Variants in CHD3 observed in about 807,000 individuals in gnomAD.
CHD3 encodes the protein ATP-dependent chromatin remodeler CHD3.
In CHD3, 52 loss-of-function variants were observed where a neutral mutation model predicts 248.9. That is an observed-to-expected ratio of 0.21 (90% CI 0.17 to 0.26). The LOEUF (loss-of-function observed/expected upper bound fraction) is 0.26. CHD3 is among the 10% of genes least tolerant of loss of function. CHD3 has a pLI of 1.00. For synonymous variants in CHD3, 985 were observed against 985.2 expected (o/e 1.00, Z 0.00); for missense variants, 1,482 against 2,605.8 (o/e 0.57, Z 9.39).
Position 7,897,279 on chromosome 17 carries a change from G to A in CHD3, c.1904G>A (p.Arg635His), listed in dbSNP as rs770374165. ...AAGCCAGAGTGGATGACCGTCCACC[G>A]CATCATCAACCACAGGTGAATCCTC... ...GIKPEWMTVH[R>H]IINHSVDKKG... The change falls in exon 11 of 40, where the codon CGC (arginine) becomes CAC (histidine). Residue 635 changes from arginine (R) to histidine (H), a missense_variant. Arg to His is a conservative substitution (Grantham distance 29, BLOSUM62 0). Transcript: ENST00000330494. This position sits in a 1 kb window ranked among gnomAD's most constrained non-coding sequence, Gnocchi z 4.8. 9 of 1,613,412 alleles carry A rather than the reference G, an allele frequency of 5.6e-6. No individual in the cohort carries two copies. Among genetic ancestry groups the A allele is most frequent in the East Asian group, 4.5e-5 (2 of 44,878 alleles).
In CHD3 at chr17:7,895,646, C is replaced by T; in HGVS notation, c.1707+104C>T. 1 of 1,066,520 alleles carries T rather than the reference C, an allele frequency of 9.4e-7. No homozygotes were observed. The highest frequency in any genetic ancestry group is 2.1e-5 in the Admixed American group (1 of 46,966). The allele number at this position is 1,066,520 out of a possible 1,614,324, so 66.1% of individuals were successfully genotyped here. ...TGGGTTCCCATACTCTTTGTTTTCT[C>T]TCATTTCAGGCCTGTGGCCTTCATA... On this transcript the variant is annotated intron_variant, in intron 10 of 39. Coordinates refer to ENST00000330494, the MANE Select transcript of CHD3 (RefSeq NM_001005273.3). This position sits in a 1 kb window ranked among gnomAD's most constrained non-coding sequence, Gnocchi z 4.9.
In CHD3 at chr17:7,909,353, G is replaced by A. The variant is rs1191878617; in HGVS notation, c.5590+15G>A. On this transcript the variant is annotated intron_variant, in intron 37 of 39. Transcript: ENST00000330494. This position sits in a 1 kb window ranked among gnomAD's most constrained non-coding sequence, Gnocchi z 8.1. ...CCTGCACAAGGGTAAGGGCCGCGGCGGCCCCGCGCGGGGGAGGGCCCACAA... is the reference window on the plus strand; with the variant it reads ...CCTGCACAAGGGTAAGGGCCGCGGCAGCCCCGCGCGGGGGAGGGCCCACAA... 19 of 1,530,116 alleles carry A rather than the reference G, an allele frequency of 1.2e-5. No individual in the cohort carries two copies. Among genetic ancestry groups the A allele is most frequent in the Non-Finnish European group, 1.6e-5 (18 of 1,136,942 alleles). The allele number at this position is 1,530,116 out of a possible 1,614,324, so 94.8% of individuals were successfully genotyped here.
chr17:7,887,168 G>A (rs1251610899), upstream of CHD3, among the ~76,000 whole-genome samples: 2 of 152,078 alleles, frequency 1.3e-5, no homozygotes, highest in Non-Finnish European at 2.9e-5. Context: ...AAGGAAATTT[G>A]TTCAGGCTGC....
At chr17:7,884,975 G>A (rs1258471638), upstream of CHD3, 1 of 1,278,616 alleles carries the variant, frequency 7.8e-7, no homozygotes. Flanking sequence ...GCGCGGGCCG[G>A]GCCACGACCG....
chr17:7,904,335 G>A lies in CHD3; in HGVS notation c.3895-107G>A. 9.7e-7 allele frequency: 1 copy of A among 1,033,514 alleles called. No homozygotes were observed. The highest frequency in any genetic ancestry group is 1.4e-6 in the Non-Finnish European group (1 of 690,122). 64.0% of individuals were successfully genotyped at this position (1,033,514 alleles called of 1,614,324 possible). ...TATGCAGAGCCACGAAGCTGCAGGA[G>A]TGGGGAGACCGGATTGGGCTGACGC... On this transcript the variant is annotated intron_variant, in intron 24 of 39. Coordinates refer to ENST00000330494, the MANE Select transcript of CHD3 (RefSeq NM_001005273.3). This position sits in a 1 kb window ranked among gnomAD's most constrained non-coding sequence, Gnocchi z 4.4.
At position 7,901,318 on chromosome 17, in the gene CHD3, C is replaced by T. The variant is rs754960962; in HGVS notation, c.3195C>T (p.Leu1065=). 4.3e-6 allele frequency: 7 copies of T among 1,613,942 alleles called. No individual in the cohort carries two copies. In the South Asian group the frequency reaches 6.6e-5, roughly 15 times the overall value. ...AGTCGTCTGGGAAGCTCATGCTGCTCCAGAAGATGCTGCGAAAGCTGAAGG... is the reference window on the plus strand; with the variant it reads ...AGTCGTCTGGGAAGCTCATGCTGCTTCAGAAGATGCTGCGAAAGCTGAAGG... ...LIKSSGKLML[L]QKMLRKLKEQ... is the part of the protein sequence containing the mutation. Residue 1065 remains leucine (L), a synonymous_variant, in exon 20 of 40, where the codon CTC becomes CTT. Coordinates refer to ENST00000330494, the MANE Select transcript of CHD3 (RefSeq NM_001005273.3).
intron 4 of CHD3, 152 bp downstream of exon 4, chr17:7,891,216 C>T: frequency 1.0e-6 from 1 of 953,252 alleles, no homozygotes; most frequent in Admixed American, 2.6e-5. Context: ...CAGGGAACTC[C>T]TAGACTCATA....
At position 7,904,536 on chromosome 17, in the gene CHD3, A is replaced by G; in HGVS notation, c.3989A>G (p.Gln1330Arg). 1.9e-6 allele frequency: 3 copies of G among 1,614,154 alleles called. No individual in the cohort carries two copies. The highest frequency in any genetic ancestry group is 2.2e-5 in the South Asian group (2 of 91,084). Residue 1330 changes from glutamine to arginine, a missense_variant, in exon 25 of 40, where the codon CAG becomes CGG. By Grantham distance (43) the Gln-to-Arg change is conservative (BLOSUM62 1). This residue lies in a region of CHD3 where 156 missense variants were observed against 420.3 expected (regional missense o/e 0.37). Transcript: ENST00000330494. The surrounding 1 kb of genome is among the most constrained non-coding windows in gnomAD (Gnocchi z 4.4). ...CTGAGGCATCACTATGAGCAACAGC[A>G]GGAAGACCTAGCCCGGAATCTAGGC... Reference protein sequence around the residue: ...KLLRHHYEQQQEDLARNLGKG... With the variant: ...KLLRHHYEQQREDLARNLGKG...
upstream of CHD3, among the ~76,000 whole-genome samples, chr17:7,887,372 G>T (rs959462552): frequency 1.3e-5 from 2 of 151,746 alleles, no homozygotes; most frequent in African/African-American, 4.8e-5. Context: ...GTGGGGGAAG[G>T]GAGCAGGAAG....
In CHD3 at chr17:7,904,991, G is replaced by T; in HGVS notation, c.4073-109G>T. 9.6e-7 allele frequency: 1 copy of T among 1,036,672 alleles called. No homozygotes were observed. The allele number at this position is 1,036,672 out of a possible 1,614,324, so 64.2% of individuals were successfully genotyped here. ...GGTGTTCCCAGAAGGACCAAGGCCA[G>T]AATAAAGGTAGACAAGTCTCGGCAG... On this transcript the variant is annotated intron_variant, in intron 25 of 39. Transcript: ENST00000330494. The surrounding 1 kb of genome is among the most constrained non-coding windows in gnomAD (Gnocchi z 4.4).
At position 7,900,815 on chromosome 17, in the gene CHD3, A is replaced by G. The variant is rs1970211479; in HGVS notation, c.2979-37A>G. On this transcript the variant is annotated intron_variant, in intron 18 of 39. Coordinates refer to ENST00000330494, the MANE Select transcript of CHD3 (RefSeq NM_001005273.3). The surrounding 1 kb of genome is among the most constrained non-coding windows in gnomAD (Gnocchi z 6.5). Reference sequence around the variant, plus strand: ...GTGCAATATCATAATTGCTTCCTTTATTTATGTTTCTTTTACACCCCTTTC... The same window carrying G: ...GTGCAATATCATAATTGCTTCCTTTGTTTATGTTTCTTTTACACCCCTTTC... The G allele has an allele frequency of 6.2e-7, 1 of 1,611,642 alleles. No individual in the cohort carries two copies. Among genetic ancestry groups the G allele is most frequent in the South Asian group, 1.1e-5 (1 of 90,990 alleles).
chr17:7,890,231 G>A (rs1157952713), intron 2 of CHD3, among the ~76,000 whole-genome samples: 1 of 152,114 alleles, frequency 6.6e-6, no homozygotes, highest in Non-Finnish European at 1.5e-5. Context: ...AGGAGTTCGC[G>A]ACAAGCCTGG....
rs1968772533 is a variant in CHD3, at chr17:7,891,003, G to A, written c.448G>A (p.Val150Met). 13 of 1,614,128 alleles carry A rather than the reference G, an allele frequency of 8.1e-6. No homozygotes were observed. The highest frequency in any genetic ancestry group is 9.3e-6 in the Non-Finnish European group (11 of 1,179,996). Residue 150 changes from valine to methionine, a missense_variant, in exon 4 of 40, where the codon GTG becomes ATG. Physicochemically the swap from Val to Met is conservative, Grantham distance 21. This residue lies in a region of CHD3 where 30 missense variants were observed against 83.5 expected (regional missense o/e 0.36). Transcript: ENST00000330494. Reference protein sequence around the residue: ...LTWGLEDVEHVFSEEDYHTLT... With the variant: ...LTWGLEDVEHMFSEEDYHTLT... ...CTGGGGCCTGGAGGATGTGGAGCAT[G>A]TGTTCTCTGAGGAGGATTACCACAC...
In CHD3 at chr17:7,907,745, T is replaced by C; in HGVS notation, c.5026+43T>C. 1 of 1,508,534 alleles carries C rather than the reference T, an allele frequency of 6.6e-7. No individual in the cohort carries two copies. The highest frequency in any genetic ancestry group is 8.9e-7 in the Non-Finnish European group (1 of 1,129,440). 93.4% of individuals were successfully genotyped at this position (1,508,534 alleles called of 1,614,324 possible). On this transcript the variant is annotated intron_variant, in intron 33 of 39. Transcript: ENST00000330494. The surrounding 1 kb of genome is among the most constrained non-coding windows in gnomAD (Gnocchi z 4.3). ...CCGGACACCTGGGTCCCAGAGGGCA[T>C]CAGGGGAGGTGGAGTCTGGGGAACC...
At position 7,911,630 on chromosome 17, in the gene CHD3, C is replaced by G. The variant is rs1449165446; in HGVS notation, c.*45C>G. 5.0e-6 allele frequency: 8 copies of G among 1,612,404 alleles called. No homozygotes were observed. Among genetic ancestry groups the G allele is most frequent in the Non-Finnish European group, 6.8e-6 (8 of 1,179,086 alleles). On this transcript the variant is annotated 3_prime_UTR_variant, in exon 40 of 40. Coordinates refer to ENST00000330494, the MANE Select transcript of CHD3 (RefSeq NM_001005273.3). The surrounding 1 kb of genome is among the most constrained non-coding windows in gnomAD (Gnocchi z 5.4). The stretch of plus-strand genomic sequence containing the variant: ...TTCACCCAGGCCCCGTCCCCGAGGC[C>G]GACCCCCAGCTCAAGCGCTGGGGCC...
At position 7,903,834 on chromosome 17, in the gene CHD3, A is replaced by G; in HGVS notation, c.3737A>G (p.Lys1246Arg). Residue 1246 changes from lysine to arginine, a missense_variant, in exon 24 of 40, where the codon AAG becomes AGG. By Grantham distance (26) the Lys-to-Arg change is conservative. Transcript: ENST00000330494. This position sits in a 1 kb window ranked among gnomAD's most constrained non-coding sequence, Gnocchi z 6.8. ...TTTTCCCTCTCACCAGGGGAGAACA[A>G]GGAGGAGGACAGCAGTGTGATTCAT... is the stretch of plus-strand genomic sequence containing the variant. ...LFKDENEGENKEEDSSVIHYD... is the reference protein window; with the variant it reads ...LFKDENEGENREEDSSVIHYD... The G allele has an allele frequency of 2.5e-6, 4 of 1,614,120 alleles. No homozygotes were observed. Among genetic ancestry groups the G allele is most frequent in the Non-Finnish European group, 3.4e-6 (4 of 1,180,002 alleles).
rs778123554 is a variant in CHD3, at chr17:7,894,217, C to A, written c.1027C>A (p.Arg343Ser). The change falls in exon 7 of 40, where the codon CGC becomes AGC. Residue 343 changes from arginine (R) to serine (S), a missense_variant. This residue lies in a region of CHD3 where 149 missense variants were observed against 182.6 expected (regional missense o/e 0.82). Transcript: ENST00000330494. ...CTCAGGCCGGCCTGATGGCCCTGTC[C>A]GCACCAAGAAACTAAAGAGAGGCCG... ...SASGRPDGPV[R>S]TKKLKRGRPG... 6.2e-7 allele frequency: 1 copy of A among 1,614,120 alleles called. No individual in the cohort carries two copies. Among genetic ancestry groups the A allele is most frequent in the Non-Finnish European group, 8.5e-7 (1 of 1,180,016 alleles).
rs540609317 is a variant in CHD3, at chr17:7,899,690, A to G, written c.2544+147A>G. The G allele has an allele frequency of 6.9e-3, 7,023 of 1,014,322 alleles. 40 individuals carry two copies. Among genetic ancestry groups the G allele is most frequent in the Non-Finnish European group, 8.6e-3 (5,841 of 682,496 alleles). 62.8% of individuals were successfully genotyped at this position (1,014,322 alleles called of 1,614,324 possible). On this transcript the variant is annotated intron_variant, in intron 15 of 39. Coordinates refer to ENST00000330494, the MANE Select transcript of CHD3 (RefSeq NM_001005273.3). This position sits in a 1 kb window ranked among gnomAD's most constrained non-coding sequence, Gnocchi z 6.8. ...GTCTCTGCACTACCATCCTAGAGAT[A>G]TGGCAGGTACTCCCAGGGGCATACA...
chr17:7,889,356 C>T lies in CHD3; in HGVS notation c.100+256C>T, dbSNP rs909639114. On this transcript the variant is annotated intron_variant, in intron 1 of 39. Transcript: ENST00000330494. The surrounding 1 kb of genome is among the most constrained non-coding windows in gnomAD (Gnocchi z 4.5). ...AGGGGGAAGGCAGGAGGAGCCCTGG[C>T]GGTGACTGAAAGGACCTGCCACAGT... 1.3e-5 allele frequency among the ~76,000 whole-genome samples: 2 copies of T among 152,218 alleles called. No homozygotes were observed. Among genetic ancestry groups the T allele is most frequent in the African/African-American group, 2.4e-5 (1 of 41,460 alleles).
Sources: allele counts gnomAD v4.1 joint callset (sites outside exome capture counted in the v4.1 genomes callset), GRCh38; gene constraint gnomAD v4.1.1; regional missense constraint gnomAD v4.1.1; non-coding constraint Gnocchi (gnomAD v3.1); transcripts MANE v1.5; gene names NCBI Gene and HGNC (gene_info 2026-07-23, HGNC 2026-07-21).